The following ZNF786 variants were observed in gnomAD, a reference collection of about 807,000 sequenced individuals.
ZNF786 encodes the protein zinc finger protein 786.
ZNF786 carries 56 observed loss-of-function variants against 63.1 expected under a neutral mutation model. The ratio of observed to expected loss-of-function variants is 0.89; its 90% CI spans 0.72 to 1.11. The LOEUF is 1.11. ZNF786 is among the 50% of genes least tolerant of loss of function. The pLI, the probability that ZNF786 is intolerant of heterozygous loss-of-function variation, is 0.00. For synonymous variants in ZNF786, 485 were observed against 406.9 expected, an observed-to-expected ratio of 1.19 and a Z score of -2.31; for missense variants, 1,213 against 1,041.8, an observed-to-expected ratio of 1.16 and a Z score of -2.26.
chr7:149,070,411 T>A lies in ZNF786; in HGVS notation c.*12A>T, dbSNP rs1585458157. 5 of 1,609,700 alleles carry A rather than the reference T, an allele frequency of 3.1e-6. No individual in the cohort carries two copies. In the East Asian group the frequency reaches 1.1e-4, roughly 36 times the overall value. ...CCAATCCTGCTCAACGCTTTGGATG[T>A]CCCACTCTGCCTCAACTCCAATCGG... On this transcript the variant is annotated 3_prime_UTR_variant, in exon 4 of 4. Coordinates refer to ENST00000491431, the MANE Select transcript of ZNF786 (RefSeq NM_152411.4).
At chr7:149,073,994 T>C (rs954397847) in intron 3 of ZNF786, among the ~76,000 whole-genome samples, 1 of 151,452 alleles carries the variant, frequency 6.6e-6, no homozygotes, top group Non-Finnish European at 1.5e-5. Flanking sequence ...GGTTTCACCA[T>C]GTTGGCCAGG....
intron 2 of ZNF786, among the ~76,000 whole-genome samples, chr7:149,076,659 T>C (rs1312031307): frequency 7.0e-6 from 1 of 142,468 alleles, no homozygotes. Flanking sequence ...GTGGAGGTTG[T>C]GGTGAGCCGA....
Position 149,072,507 on chromosome 7 carries a change from C to T in ZNF786, c.299-34G>A, listed in dbSNP as rs114079426. The stretch of plus-strand genomic sequence containing the variant: ...GAAAACAAAAATTCAGTCGGTATTC[C>T]TGTCTGCAGCACTACTAGCGATTCT... On this transcript the variant is annotated intron_variant, in intron 3 of 3. Transcript: ENST00000491431. 3,036 of 1,524,186 alleles carry T rather than the reference C, an allele frequency of 2.0e-3. 51 individuals are homozygous for T. The African/African-American group carries it at 0.038, about 19-fold the overall frequency. 94.4% of individuals were successfully genotyped at this position (1,524,186 alleles called of 1,614,324 possible).
intron 2 of ZNF786, among the ~76,000 whole-genome samples, chr7:149,079,672 G>A (rs1224653853): frequency 6.8e-6 from 1 of 146,674 alleles, no homozygotes; most frequent in Non-Finnish European, 1.5e-5. Context: ...CCAGGTTCAA[G>A]TGATTCTCCT....
rs114426782 is a variant in ZNF786 at position 149,085,825 on chromosome 7, C to T, written c.18+4798G>A. Among the ~76,000 whole-genome samples, 1,068 of 152,192 alleles carry T rather than the reference C, an allele frequency of 7.0e-3. 8 individuals are homozygous for T. The highest frequency in any genetic ancestry group is 0.024 in the African/African-American group (1,004 of 41,536). On this transcript the variant is annotated intron_variant, in intron 1 of 3. Coordinates refer to ENST00000491431, the MANE Select transcript of ZNF786 (RefSeq NM_152411.4). ...TTTAACCTCCTTGGTTAGCTGTATT[C>T]CTCGGCATTTTTGACTAGATGTGAA... is the stretch of plus-strand genomic sequence containing the variant.
Position 149,070,259 on chromosome 7 carries a change from G to A in ZNF786, c.*164C>T, listed in dbSNP as rs1825375344. The stretch of plus-strand genomic sequence containing the variant: ...AAATATAATTGGTGATGCTTCTGAA[G>A]AGAAAATCCTTTGTGGTTCTTCATA... On this transcript the variant is annotated 3_prime_UTR_variant, in exon 4 of 4. Coordinates refer to ENST00000491431, the MANE Select transcript of ZNF786 (RefSeq NM_152411.4). 1.2e-6 allele frequency: 1 copy of A among 821,056 alleles called. No homozygotes were observed. The highest frequency in any genetic ancestry group is 1.9e-6 in the Non-Finnish European group (1 of 531,378). 50.9% of individuals were successfully genotyped at this position (821,056 alleles called of 1,614,324 possible).
chr7:149,070,434 C>T lies in ZNF786; in HGVS notation c.2338G>A (p.Asp780Asn). 1 of 1,612,284 alleles carries T rather than the reference C, an allele frequency of 6.2e-7. No individual in the cohort carries two copies. The highest frequency in any genetic ancestry group is 8.5e-7 in the Non-Finnish European group (1 of 1,178,572). ...TGTCCCACTCTGCCTCAACTCCAAT[C>T]GGCCTCTATCATTGCAAACAGTTGG... ...LSQLFAMIEA[D>N]WS The change falls in exon 4 of 4, where the codon GAT (aspartate) becomes AAT (asparagine). Residue 780 changes from aspartate (D) to asparagine (N), a missense_variant. By Grantham distance (23) the Asp-to-Asn change is conservative. Transcript: ENST00000491431.
rs1825813308 is a variant in ZNF786 at position 149,090,512 on chromosome 7, C to G, written c.18+111G>C. ...GCAGAAGCAGCCTGCAGACTCCGTC[C>G]TACCCGTGCACCGCGCGCACTCACG... is the stretch of plus-strand genomic sequence containing the variant. On this transcript the variant is annotated intron_variant, in intron 1 of 3. Coordinates refer to ENST00000491431, the MANE Select transcript of ZNF786 (RefSeq NM_152411.4). 5 of 1,232,872 alleles carry G rather than the reference C, an allele frequency of 4.1e-6. No individual in the cohort carries two copies. The Admixed American group carries it at 1.0e-4, about 25-fold the overall frequency. The allele number at this position is 1,232,872 out of a possible 1,614,324, so 76.4% of individuals were successfully genotyped here.
At position 149,071,075 on chromosome 7, in the gene ZNF786, G is replaced by A. The variant is rs1024499674; in HGVS notation, c.1697C>T (p.Ser566Leu). ...GAAGCCCTTGCCACACTCCCCGCAC[G>A]AGAACGGCCTCTCCTTGCTGTGCGT... ...QHTHSKERPF[S>L]CGECGKGFTR... The change falls in exon 4 of 4, where the codon TCG becomes TTG. Residue 566 changes from serine to leucine, a missense_variant. Transcript: ENST00000491431. 8.1e-6 allele frequency: 13 copies of A among 1,611,798 alleles called. No homozygotes were observed. Among genetic ancestry groups the A allele is most frequent in the African/African-American group, 6.7e-5 (5 of 74,740 alleles).
chr7:149,074,633 T>C (rs1825510157), intron 2 of ZNF786, 95 bp from the exon 3 acceptor site: 37 of 1,355,820 alleles, frequency 2.7e-5, no homozygotes, highest in Non-Finnish European at 3.5e-5. Flanking sequence ...GGACAAAGTA[T>C]GAGAACAACA....
chr7:149,090,616 C>T lies in ZNF786; in HGVS notation c.18+7G>A, dbSNP rs775722359. 1.9e-6 allele frequency: 3 copies of T among 1,590,052 alleles called. No homozygotes were observed. Among genetic ancestry groups the T allele is most frequent in the African/African-American group, 1.4e-5 (1 of 73,512 alleles). On this transcript the variant is annotated splice_region_variant and intron_variant, in intron 1 of 3. Transcript: ENST00000491431. ...AACCGGGCGTCCAAACAGGCTAGCC[C>T]GCTTACCCGAGGCGGCTCCGCCATG...
rs148528148 is a variant in ZNF786, at chr7:149,084,252, C to G, written c.19-3535G>C. Among the ~76,000 whole-genome samples, 370 of 150,564 alleles carry G rather than the reference C, an allele frequency of 2.5e-3. 1 individual carries two copies. The highest frequency in any genetic ancestry group is 8.8e-3 in the African/African-American group (358 of 40,846). On this transcript the variant is annotated intron_variant, in intron 1 of 3. Transcript: ENST00000491431. ...TGGCACGCGCTTGTAATCCCAGCTA[C>G]TCAGGAGGCTAAAGCAGGAGAATTG...
Position 149,070,874 on chromosome 7 carries a change from T to G in ZNF786, c.1898A>C (p.Lys633Thr). Residue 633 changes from lysine to threonine, a missense_variant, in exon 4 of 4, where the codon AAG becomes ACG. Lys to Thr is a moderately conservative substitution (Grantham distance 78, BLOSUM62 -1). Transcript: ENST00000491431. ...CAGCTGGTGGGCCTTCATGTCGGCC[T>G]TCACGCGATAGCGCTTGTCGCACTC... ...CPECDKRYRVKADMKAHQLLH... is the reference protein window; with the variant it reads ...CPECDKRYRVTADMKAHQLLH... The G allele has an allele frequency of 6.2e-7, 1 of 1,612,372 alleles. No individual in the cohort carries two copies. Among genetic ancestry groups the G allele is most frequent in the East Asian group, 2.2e-5 (1 of 44,746 alleles).
intron 3 of ZNF786, among the ~76,000 whole-genome samples, chr7:149,072,878 T>C (rs147691662): frequency 1.6e-4 from 25 of 152,226 alleles, no homozygotes; most frequent in African/African-American, 5.5e-4. Context: ...GTGCATGAGG[T>C]GCTTAGCATG....
intron 1 of ZNF786, among the ~76,000 whole-genome samples, chr7:149,085,897 T>C (rs1263454248): frequency 6.6e-6 from 1 of 152,190 alleles, no homozygotes; most frequent in Non-Finnish European, 1.5e-5. Context: ...GTTGTTGGTG[T>C]ATAGGAATGC....
intron 1 of ZNF786, among the ~76,000 whole-genome samples, chr7:149,086,578 G>A (rs1825741101): frequency 6.6e-6 from 1 of 151,850 alleles, no homozygotes. Context: ...CAGTGAGCCA[G>A]TATCACACCA....
At chr7:149,078,103 T>A (rs1306708795) in intron 2 of ZNF786, among the ~76,000 whole-genome samples, 2 of 150,984 alleles carry the variant, frequency 1.3e-5, no homozygotes, top group Non-Finnish European at 2.9e-5. Flanking sequence ...CCTCAAGTGA[T>A]CCACCCACCT....
At chr7:149,082,747 A>AT (rs1194545427) in intron 1 of ZNF786, among the ~76,000 whole-genome samples, 1 of 150,876 alleles carries the variant, frequency 6.6e-6, no homozygotes, top group Non-Finnish European at 1.5e-5. Flanking sequence ...CACCTGGCTA[A>AT]TTTTTTTGCA....
intron 1 of ZNF786, among the ~76,000 whole-genome samples, 155 bp from the exon 2 acceptor site, chr7:149,080,872 T>A (rs1825640321): frequency 6.6e-6 from 1 of 152,200 alleles, no homozygotes; most frequent in South Asian, 2.1e-4. Context: ...TCTACTCCAA[T>A]TACATCGTTC....
Sources: gnomAD v4.1 joint callset for allele counts (sites outside exome capture counted in the v4.1 genomes callset) on GRCh38, gnomAD v4.1.1 for gene constraint, MANE v1.5 for transcripts, NCBI Gene and HGNC (gene_info 2026-07-23, HGNC 2026-07-21) for gene names.